Variants in PCCA observed in about 807,000 individuals in gnomAD.
The protein encoded by PCCA is propionyl-CoA carboxylase subunit alpha.
In PCCA, 74 loss-of-function variants were observed where a neutral mutation model predicts 101.3. The ratio of observed to expected loss-of-function variants is 0.73; its 90% confidence interval spans 0.61 to 0.89. The LOEUF is 0.89. PCCA is among the 40% of genes least tolerant of loss of function. PCCA has a pLI of 0.00. For missense variants in PCCA, 891 were observed against 907.0 expected (o/e 0.98, Z 0.23); for synonymous variants, 294 against 313.6 (o/e 0.94, Z 0.66).
intron 21 of PCCA, among the ~76,000 whole-genome samples, chr13:100,502,282 C>G (rs8181885): frequency 6.6e-6 from 1 of 152,238 alleles, no homozygotes; most frequent in Non-Finnish European, 1.5e-5. Flanking sequence ...GAGGCCCAGC[C>G]CCCTGATCCA....
intron 7 of PCCA, among the ~76,000 whole-genome samples, chr13:100,216,762 C>T (rs951652151): frequency 1.3e-5 from 2 of 152,110 alleles, no homozygotes; most frequent in East Asian, 1.9e-4. Context: ...GAGATAACTA[C>T]GATTTATATG....
chr13:100,245,919 G>A (rs578213411), intron 8 of PCCA, among the ~76,000 whole-genome samples: 68 of 152,290 alleles, frequency 4.5e-4, no homozygotes, highest in African/African-American at 1.6e-3. Context: ...ATACCTGAGG[G>A]GGAATGAAGG....
chr13:100,144,414 TACTC>T, intron 4 of PCCA, among the ~76,000 whole-genome samples: 1 of 152,276 alleles, frequency 6.6e-6, no homozygotes, highest in Admixed American at 6.5e-5. Context: ...AGGAGAAAGA[TACTC>T]ACCATTAAGA....
At chr13:100,226,584 A>G (rs902612795) in intron 7 of PCCA, among the ~76,000 whole-genome samples, 2 of 152,200 alleles carry the variant, frequency 1.3e-5, no homozygotes, top group Admixed American at 6.5e-5. Flanking sequence ...TGCCCTGTTC[A>G]CCAGCAATAC....
chr13:100,238,930 A>G (rs2060965997), intron 8 of PCCA, among the ~76,000 whole-genome samples: 1 of 152,178 alleles, frequency 6.6e-6, no homozygotes, highest in Non-Finnish European at 1.5e-5. Context: ...TCCATGTGTT[A>G]TACCTATTCA....
chr13:100,517,371 G>A (rs1033329966), intron 22 of PCCA, among the ~76,000 whole-genome samples: 1 of 152,140 alleles, frequency 6.6e-6, no homozygotes, highest in Non-Finnish European at 1.5e-5. Context: ...GCCTTTGTAC[G>A]TTCCATTTCC....
At chr13:100,209,555 G>GAT (rs762630967) in intron 7 of PCCA, 92 bp downstream of exon 7, 19 of 952,696 alleles carry the variant, frequency 2.0e-5, no homozygotes, top group East Asian at 7.9e-5. Flanking sequence ...GCTTTTTTGG[G>GAT]ATATACACAC....
At chr13:100,217,616 G>A (rs9743146) in intron 7 of PCCA, among the ~76,000 whole-genome samples, 49,218 of 150,216 alleles carry the variant, frequency 0.33, 8,425 homozygotes, top group African/African-American at 0.37. Context: ...GTATGAATAT[G>A]CTTCTTAAAA....
intron 21 of PCCA, among the ~76,000 whole-genome samples, chr13:100,465,399 C>T (rs2082437889): frequency 6.6e-6 from 1 of 152,134 alleles, no homozygotes; most frequent in South Asian, 2.1e-4. Flanking sequence ...TTAACATGTA[C>T]TTTCATAATA....
intron 7 of PCCA, among the ~76,000 whole-genome samples, chr13:100,234,678 C>G (rs1293417883): frequency 6.6e-6 from 1 of 151,372 alleles, no homozygotes; most frequent in African/African-American, 2.4e-5. Flanking sequence ...CATAAGTGAA[C>G]CAGTTATAAA....
intron 20 of PCCA, among the ~76,000 whole-genome samples, chr13:100,447,666 C>CT (rs1491021763): frequency 2.9e-5 from 4 of 140,006 alleles, no homozygotes; most frequent in Non-Finnish European, 5.9e-5. Flanking sequence ...GAATGAAACT[C>CT]TGTCTCAAAA....
intron 19 of PCCA, among the ~76,000 whole-genome samples, chr13:100,413,264 G>T (rs898579019): frequency 6.6e-6 from 1 of 152,164 alleles, no homozygotes; most frequent in African/African-American, 2.4e-5. Flanking sequence ...ACAATGTGTG[G>T]GAATTAGGCA....
chr13:100,109,448 G>A (rs1432251808), intron 2 of PCCA, among the ~76,000 whole-genome samples: 1 of 152,138 alleles, frequency 6.6e-6, no homozygotes, highest in Non-Finnish European at 1.5e-5. Context: ...TGTTGTATTC[G>A]CTGTAACAAT....
intron 22 of PCCA, among the ~76,000 whole-genome samples, chr13:100,524,926 T>C (rs1053831358): frequency 2.0e-5 from 3 of 151,700 alleles, no homozygotes; most frequent in Non-Finnish European, 4.4e-5. Flanking sequence ...GATAGATAGA[T>C]AGATAAAATA....
At chr13:100,236,158 A>G (rs927363050) in intron 8 of PCCA, among the ~76,000 whole-genome samples, 42 of 152,226 alleles carry the variant, frequency 2.8e-4, no homozygotes, top group African/African-American at 9.2e-4. Context: ...TAAAGATTGG[A>G]TATAAGTTTA....
At chr13:100,501,469 A>T (rs2085664175) in intron 21 of PCCA, among the ~76,000 whole-genome samples, 1 of 152,214 alleles carries the variant, frequency 6.6e-6, no homozygotes, top group Non-Finnish European at 1.5e-5. Flanking sequence ...TCTCATGGAC[A>T]TGAGCTAAAT....
At chr13:100,164,211 A>C (rs2054798320) in intron 6 of PCCA, among the ~76,000 whole-genome samples, 1 of 152,250 alleles carries the variant, frequency 6.6e-6, no homozygotes, top group South Asian at 2.1e-4. Flanking sequence ...CAGAATTGGA[A>C]TTTGAGACAT....
chr13:100,199,363 A>T (rs2058329510), intron 6 of PCCA, among the ~76,000 whole-genome samples: 1 of 152,018 alleles, frequency 6.6e-6, no homozygotes, highest in African/African-American at 2.4e-5. Flanking sequence ...TTGTCCATTT[A>T]TTTTTAAATT....
intron 20 of PCCA, among the ~76,000 whole-genome samples, chr13:100,443,424 C>T (rs1248105332): frequency 2.0e-5 from 3 of 150,864 alleles, no homozygotes; most frequent in African/African-American, 4.9e-5. Flanking sequence ...TGCACTCCAG[C>T]CTGGGTGACA....
Sources: gnomAD v4.1 joint callset for allele counts (sites outside exome capture counted in the v4.1 genomes callset) on GRCh38, gnomAD v4.1.1 for gene constraint, MANE v1.5 for transcripts, NCBI Gene and HGNC (gene_info 2026-07-23, HGNC 2026-07-21) for gene names.